The following PSMB9 variants were observed in gnomAD, a reference collection of about 807,000 sequenced individuals.
PSMB9 encodes the protein proteasome 20S subunit beta 9, also known as proteasome subunit beta type-9.
Under a neutral mutation model 26.9 loss-of-function variants are expected in PSMB9, and 16 were observed. The ratio of observed to expected loss-of-function variants is 0.59; its 90% confidence interval spans 0.40 to 0.90. PSMB9 has a LOEUF of 0.90. Ranked by LOEUF, PSMB9 falls within the 40% of genes least tolerant of loss-of-function variation. The pLI is 0.00. For synonymous variants in PSMB9, 91 were observed against 112.0 expected, an observed-to-expected ratio of 0.81 and a Z score of 1.18; for missense variants, 253 against 292.2, an observed-to-expected ratio of 0.87 and a Z score of 0.98.
At position 32,859,642 on chromosome 6, in the gene PSMB9, G is replaced by T; in HGVS notation, c.*110G>T. On this transcript the variant is annotated 3_prime_UTR_variant, in exon 6 of 6. Transcript: ENST00000374859. Reference sequence around the variant, plus strand: ...GGGAGATGGAGCTTAGGGGAGGTGGGTGCTTCCCTCCTAGATGTCAGCATA... The same window carrying T: ...GGGAGATGGAGCTTAGGGGAGGTGGTTGCTTCCCTCCTAGATGTCAGCATA... The T allele has an allele frequency of 7.8e-7, 1 of 1,287,968 alleles. No homozygotes were observed. The highest frequency in any genetic ancestry group is 1.1e-6 in the Non-Finnish European group (1 of 931,202). 79.8% of individuals were successfully genotyped at this position (1,287,968 alleles called of 1,614,324 possible). A position where few individuals can be genotyped will look rare whatever the true frequency, so the allele number is the denominator to read the frequency against.
chr6:32,856,428 G>A, intron 2 of PSMB9: 2 of 523,552 alleles, frequency 3.8e-6, no homozygotes, highest in Non-Finnish European at 6.8e-6. Context: ...TCCCAGTAGT[G>A]TACAGGGATG....
chr6:32,854,362 C>G lies in PSMB9; in HGVS notation c.60+73C>G. On this transcript the variant is annotated intron_variant, in intron 1 of 5. Transcript: ENST00000374859. This position sits in a 1 kb window ranked among gnomAD's most constrained non-coding sequence, Gnocchi z 4.6. ...GCGGCCAGGGGACCCTGGAAGCGCG[C>G]GCGGAGAAGTGAATGCAGAGACCAA... The G allele has an allele frequency of 1.4e-6, 2 of 1,383,634 alleles. No homozygotes were observed. The highest frequency in any genetic ancestry group is 1.9e-6 in the Non-Finnish European group (2 of 1,051,856). The allele number at this position is 1,383,634 out of a possible 1,614,324, so 85.7% of individuals were successfully genotyped here.
In PSMB9 at chr6:32,858,340, T is replaced by C; in HGVS notation, c.391-24T>C. The C allele has an allele frequency of 6.2e-7, 1 of 1,612,744 alleles. No homozygotes were observed. Among genetic ancestry groups the C allele is most frequent in the Middle Eastern group, 1.7e-4 (1 of 5,980 alleles). Reference sequence around the variant, plus strand: ...TGGGAAGGAAGGGCTTGATGATTCTTTAACCTGAGGATCCCTTTCCCAGGT... The same window carrying C: ...TGGGAAGGAAGGGCTTGATGATTCTCTAACCTGAGGATCCCTTTCCCAGGT... On this transcript the variant is annotated intron_variant, in intron 4 of 5. Coordinates refer to ENST00000374859, the MANE Select transcript of PSMB9 (RefSeq NM_002800.5). This position sits in a 1 kb window ranked among gnomAD's most constrained non-coding sequence, Gnocchi z 5.2.
rs1241317785 is a variant in PSMB9 at position 32,858,443 on chromosome 6, A to G, written c.470A>G (p.Tyr157Cys). Residue 157 changes from tyrosine to cysteine, a missense_variant, in exon 5 of 6, where the codon TAT becomes TGT. Physicochemically the swap from Tyr to Cys is radical, Grantham distance 194. Transcript: ENST00000374859. This position sits in a 1 kb window ranked among gnomAD's most constrained non-coding sequence, Gnocchi z 5.2. ...TCCGGCAGCACCTTTATCTATGGTT[A>G]TGTGGATGCAGCATATAAGCCAGGC... ...GGSGSTFIYG[Y>C]VDAAYKPGMS... 1 of 1,613,026 alleles carries G rather than the reference A, an allele frequency of 6.2e-7. No individual in the cohort carries two copies. The highest frequency in any genetic ancestry group is 8.5e-7 in the Non-Finnish European group (1 of 1,180,022).
At position 32,857,298 on chromosome 6, in the gene PSMB9, C is replaced by G. The variant is rs2127398529; in HGVS notation, c.164C>G (p.Ser55Cys). Residue 55 changes from serine to cysteine, a missense_variant, in exon 3 of 6, where the codon TCC (serine) becomes TGC (cysteine). Ser to Cys is a moderately radical substitution (Grantham distance 112). Transcript: ENST00000374859. ...GTGAACCGAGTGTTTGACAAGCTGTCCCCGCTGCACGAGCGCATCTACTGT... is the reference window on the plus strand; with the variant it reads ...GTGAACCGAGTGTTTGACAAGCTGTGCCCGCTGCACGAGCGCATCTACTGT... ...AVVNRVFDKL[S>C]PLHERIYCAL... 1 of 1,610,310 alleles carries G rather than the reference C, an allele frequency of 6.2e-7. No individual in the cohort carries two copies. Among genetic ancestry groups the G allele is most frequent in the Non-Finnish European group, 8.5e-7 (1 of 1,178,578 alleles).
intron 1 of PSMB9, 167 bp from the exon 2 acceptor site, chr6:32,855,971 G>A (rs1336495754): frequency 5.0e-6 from 3 of 604,820 alleles, no homozygotes; most frequent in Non-Finnish European, 5.9e-6. Context: ...AATAGAGAAA[G>A]TGGAAAGATG....
chr6:32,858,427 AC>A lies in PSMB9; in HGVS notation c.456del (p.Phe153LeufsTer31). The A allele has an allele frequency of 6.2e-7, 1 of 1,612,982 alleles. No homozygotes were observed. On this transcript the variant is annotated frameshift_variant, in exon 5 of 6. Coordinates refer to ENST00000374859, the MANE Select transcript of PSMB9 (RefSeq NM_002800.5). LOFTEE classifies it high-confidence loss of function. The surrounding 1 kb of genome is among the most constrained non-coding windows in gnomAD (Gnocchi z 5.2). ...QPFAIGGSGS[T>X]FIYGYVDAAY... ...TTTTGCCATTGGTGGCTCCGGCAGCACCTTTATCTATGGTTATGTGGATGCA... is the reference window on the plus strand; with the variant it reads ...TTTTGCCATTGGTGGCTCCGGCAGCACTTTATCTATGGTTATGTGGATGCA...
At position 32,859,551 on chromosome 6, in the gene PSMB9, T is replaced by G. The variant is rs369568221; in HGVS notation, c.*19T>G. 23 of 1,611,210 alleles carry G rather than the reference T, an allele frequency of 1.4e-5. No homozygotes were observed. The highest frequency in any genetic ancestry group is 2.0e-5 in the Non-Finnish European group (23 of 1,178,896). ...TGAGTGAACCTTCCCCAGACTTCTCTTTCTTATTTTGTAATAAACTCTCTA... is the reference window on the plus strand; with the variant it reads ...TGAGTGAACCTTCCCCAGACTTCTCGTTCTTATTTTGTAATAAACTCTCTA... On this transcript the variant is annotated 3_prime_UTR_variant, in exon 6 of 6. Coordinates refer to ENST00000374859, the MANE Select transcript of PSMB9 (RefSeq NM_002800.5).
intron 3 of PSMB9, 171 bp from the exon 4 acceptor site, chr6:32,857,834 T>C: frequency 4.2e-6 from 3 of 720,436 alleles, no homozygotes; most frequent in Admixed American, 5.8e-5. Flanking sequence ...TGAAAGCTTC[T>C]TACCAGTTGG....
At position 32,858,133 on chromosome 6, in the gene PSMB9, A is replaced by C; in HGVS notation, c.389A>C (p.Gln130Pro). ...VAGWDQREGG[Q>P]VYGTLGGMLT... Reference sequence around the variant, plus strand: ...GGCTGGGACCAACGTGAAGGAGGTCAGGTGAGTTTCTCCCAAAGCACTCTC... The same window carrying C: ...GGCTGGGACCAACGTGAAGGAGGTCCGGTGAGTTTCTCCCAAAGCACTCTC... The change falls in exon 4 of 6, where the codon CAG (glutamine) becomes CCG (proline). Residue 130 changes from glutamine to proline, a missense_variant and splice_region_variant. By Grantham distance (76) the Gln-to-Pro change is moderately conservative. Coordinates refer to ENST00000374859, the MANE Select transcript of PSMB9 (RefSeq NM_002800.5). This position sits in a 1 kb window ranked among gnomAD's most constrained non-coding sequence, Gnocchi z 5.2. 6.2e-7 allele frequency: 1 copy of C among 1,613,074 alleles called. No individual in the cohort carries two copies.
At chr6:32,857,485 C>A in intron 3 of PSMB9, 91 bp downstream of exon 3, 1 of 1,398,792 alleles carries the variant, frequency 7.1e-7, no homozygotes, top group Non-Finnish European at 9.4e-7. Flanking sequence ...AGGAGCTGGA[C>A]ACTGGGAAAT....
In PSMB9 at chr6:32,854,401, A is replaced by T; in HGVS notation, c.60+112A>T. 1 of 1,062,234 alleles carries T rather than the reference A, an allele frequency of 9.4e-7. No individual in the cohort carries two copies. The highest frequency in any genetic ancestry group is 1.3e-6 in the Non-Finnish European group (1 of 763,002). The allele number at this position is 1,062,234 out of a possible 1,614,324, so 65.8% of individuals were successfully genotyped here. ...TGCAGAGACCAACGGGAGCGCAGGG[A>T]GGTCGCCTGTAGCAGCCAGCGCTTG... On this transcript the variant is annotated intron_variant, in intron 1 of 5. Transcript: ENST00000374859. This position sits in a 1 kb window ranked among gnomAD's most constrained non-coding sequence, Gnocchi z 4.6.
intron 5 of PSMB9, 102 bp from the exon 6 acceptor site, chr6:32,859,303 A>T (rs1771333123): frequency 7.4e-7 from 1 of 1,355,840 alleles, no homozygotes; most frequent in Admixed American, 2.5e-5. Context: ...ATGAGTTTTG[A>T]GGTGAAAGTG....
intron 5 of PSMB9, chr6:32,859,049 C>G (rs1200127250): frequency 6.0e-6 from 1 of 166,292 alleles, no homozygotes; most frequent in Non-Finnish European, 1.1e-5. Context: ...GAGACCCTGT[C>G]TGGAGAAAAA....
In PSMB9 at chr6:32,854,461, AG is replaced by A. The variant is rs1294347616; in HGVS notation, c.60+178del. Among the ~76,000 whole-genome samples the A allele has an allele frequency of 6.6e-6, 1 of 151,858 alleles. No individual in the cohort carries two copies. Among genetic ancestry groups the A allele is most frequent in the Non-Finnish European group, 1.5e-5 (1 of 67,970 alleles). On this transcript the variant is annotated intron_variant, in intron 1 of 5. Transcript: ENST00000374859. The surrounding 1 kb of genome is among the most constrained non-coding windows in gnomAD (Gnocchi z 4.6). Reference sequence around the variant, plus strand: ...ATGAGCATAGAGTATTTCTTTTCTGAGGGGGGTCGTCTAGAGTGTCCGTGAA... The same window carrying A: ...ATGAGCATAGAGTATTTCTTTTCTGAGGGGGTCGTCTAGAGTGTCCGTGAA...
In PSMB9 at chr6:32,858,583, G is replaced by A; in HGVS notation, c.532+78G>A. 1.3e-6 allele frequency: 2 copies of A among 1,591,382 alleles called. No homozygotes were observed. Among genetic ancestry groups the A allele is most frequent in the African/African-American group, 1.3e-5 (1 of 74,610 alleles). On this transcript the variant is annotated intron_variant, in intron 5 of 5. Transcript: ENST00000374859. The surrounding 1 kb of genome is among the most constrained non-coding windows in gnomAD (Gnocchi z 5.2). ...AAGTAGATTATGAGGAACAGGAAGA[G>A]AAATACAGGGGTGGCCATTTAAGTT... is the stretch of plus-strand genomic sequence containing the variant.
In PSMB9 at chr6:32,858,300, C is replaced by G; in HGVS notation, c.391-64C>G. 6.2e-7 allele frequency: 1 copy of G among 1,610,188 alleles called. No homozygotes were observed. ...GGGCTTCATTGCAGGGTGCAGAGAC[C>G]ACTTAATGTCTCAGTGGGAAGGAAG... On this transcript the variant is annotated intron_variant, in intron 4 of 5. Transcript: ENST00000374859. This position sits in a 1 kb window ranked among gnomAD's most constrained non-coding sequence, Gnocchi z 5.2.
chr6:32,857,666 A>G, intron 3 of PSMB9: 1 of 529,828 alleles, frequency 1.9e-6, no homozygotes. Context: ...ATCAGGAAGA[A>G]GGTGATATTG....
chr6:32,859,347 G>T, intron 5 of PSMB9, 58 bp from the exon 6 acceptor site: 1 of 1,534,182 alleles, frequency 6.5e-7, no homozygotes, highest in Non-Finnish European at 8.8e-7. Context: ...GGAGTAAAAA[G>T]ATTTTTGAAG....
Sources: gnomAD v4.1 joint callset for allele counts (sites outside exome capture counted in the v4.1 genomes callset) on GRCh38, gnomAD v4.1.1 for gene constraint, Gnocchi (gnomAD v3.1) non-coding constraint, MANE v1.5 for transcripts, NCBI Gene and HGNC (gene_info 2026-07-23, HGNC 2026-07-21) for gene names.